ADGRF5: variants seen among roughly 807,000 people sequenced by gnomAD.
ADGRF5 encodes the protein G-protein coupled receptor 116.
A neutral mutation model predicts 132.3 loss-of-function variants in ADGRF5; 75 were observed. The ratio of observed to expected loss-of-function variants is 0.57; its 90% CI spans 0.47 to 0.69. ADGRF5 has a LOEUF of 0.69. Among genes scored for constraint, ADGRF5 ranks in the 30% least tolerant of loss-of-function variants. The probability of loss-of-function intolerance (pLI) is 0.00; values close to 1 mark genes in which losing one functional copy is unlikely to be tolerated. For missense variants in ADGRF5, 1,516 were observed against 1,630.6 expected (o/e 0.93, Z 1.21); for synonymous variants, 629 against 597.6 (o/e 1.05, Z -0.77).
chr6:46,904,978 A>G (rs1775167185), intron 2 of ADGRF5, among the ~76,000 whole-genome samples: 1 of 152,216 alleles, frequency 6.6e-6, no homozygotes, highest in African/African-American at 2.4e-5. Flanking sequence ...CATTCCACCA[A>G]GATCTCTAGG....
At chr6:46,880,761 A>T (rs1235971091) in intron 8 of ADGRF5, among the ~76,000 whole-genome samples, 1 of 152,082 alleles carries the variant, frequency 6.6e-6, no homozygotes, top group Non-Finnish European at 1.5e-5. Flanking sequence ...GGCAGTAAAA[A>T]TCCATGGGAT....
intron 2 of ADGRF5, among the ~76,000 whole-genome samples, chr6:46,902,555 C>T (rs1469237026): frequency 3.3e-5 from 5 of 152,294 alleles, no homozygotes; most frequent in Admixed American, 6.5e-5. Flanking sequence ...TTCAGTAGGT[C>T]TGGGGTGAGG....
At chr6:46,897,637 C>T (rs556772687) in intron 3 of ADGRF5, among the ~76,000 whole-genome samples, 54 of 152,184 alleles carry the variant, frequency 3.5e-4, no homozygotes, top group Non-Finnish European at 6.3e-4. Context: ...TGCAGTGGTG[C>T]GATCTCAGCT....
intron 1 of ADGRF5, among the ~76,000 whole-genome samples, chr6:46,916,993 C>T (rs1776474247): frequency 6.6e-6 from 1 of 152,346 alleles, no homozygotes; most frequent in South Asian, 2.1e-4. Flanking sequence ...CTGAGCTTTA[C>T]TCATTATTTC....
intron 11 of ADGRF5, among the ~76,000 whole-genome samples, chr6:46,871,429 A>C (rs1771045700): frequency 6.6e-6 from 1 of 152,126 alleles, no homozygotes; most frequent in African/African-American, 2.4e-5. Flanking sequence ...GAGGAGTAGT[A>C]GGGGAGTGAG....
rs751939190 is a variant in ADGRF5, at chr6:46,869,194, GA to G, written c.1412-103del. On this transcript the variant is annotated intron_variant, in intron 11 of 20. Coordinates refer to ENST00000283296, the MANE Select transcript of ADGRF5 (RefSeq NM_001098518.2). ...ATGACTGAAACTTCAGAGAGGGACAGAAAAAAAAAATGAACCATCCTGACTC... is the reference window on the plus strand; with the variant it reads ...ATGACTGAAACTTCAGAGAGGGACAGAAAAAAAAATGAACCATCCTGACTC... The G allele has an allele frequency of 4.6e-4, 616 of 1,333,854 alleles. 1 individual carries two copies. In the East Asian group the frequency reaches 4.9e-3, roughly 11 times the overall value. The allele number at this position is 1,333,854 out of a possible 1,614,324, so 82.6% of individuals were successfully genotyped here.
intron 9 of ADGRF5, among the ~76,000 whole-genome samples, chr6:46,878,738 A>C (rs1257790934): frequency 6.6e-6 from 1 of 152,260 alleles, no homozygotes; most frequent in African/African-American, 2.4e-5. Context: ...ATATTGCCGT[A>C]GTATTTAACC....
At chr6:46,903,139 C>T (rs927164218) in intron 2 of ADGRF5, among the ~76,000 whole-genome samples, 6 of 152,154 alleles carry the variant, frequency 3.9e-5, no homozygotes, top group African/African-American at 7.2e-5. Flanking sequence ...CTCATGTTAT[C>T]GCAGTTTGGG....
At chr6:46,919,442 T>A (rs79843096) in intron 1 of ADGRF5, among the ~76,000 whole-genome samples, 1,624 of 152,306 alleles carry the variant, frequency 0.011, 14 homozygotes, top group Middle Eastern at 0.034. Context: ...AAGTTGCATA[T>A]AAATACAAGA....
At chr6:46,946,505 G>A (rs1027520324) in intron 1 of ADGRF5, among the ~76,000 whole-genome samples, 28 of 152,262 alleles carry the variant, frequency 1.8e-4, no homozygotes, top group Middle Eastern at 6.8e-3. Context: ...AAGTGCAGCT[G>A]AGGAAAAATA....
At chr6:46,901,757 C>G (rs907550460) in intron 2 of ADGRF5, among the ~76,000 whole-genome samples, 5 of 151,930 alleles carry the variant, frequency 3.3e-5, no homozygotes, top group African/African-American at 7.3e-5. Flanking sequence ...GAGCGGGTCT[C>G]TCTTTACCCA....
chr6:46,929,520 A>AAAAG (rs60405318), intron 1 of ADGRF5, among the ~76,000 whole-genome samples: 2 of 123,114 alleles, frequency 1.6e-5, no homozygotes, highest in Non-Finnish European at 3.3e-5. Flanking sequence ...AAAAATAAAA[A>AAAAG]AAAGAAAGTA....
intron 1 of ADGRF5, among the ~76,000 whole-genome samples, chr6:46,942,032 C>T (rs1778109569): frequency 6.6e-6 from 1 of 152,094 alleles, no homozygotes; most frequent in South Asian, 2.1e-4. Flanking sequence ...CTTACTTTAC[C>T]TTTCTGAACA....
At position 46,860,803 on chromosome 6, in the gene ADGRF5, C is replaced by A; in HGVS notation, c.2291G>T (p.Ser764Ile). Residue 764 changes from serine (S) to isoleucine (I), a missense_variant, in exon 16 of 21, where the codon AGC (serine) becomes ATC (isoleucine). Physicochemically the swap from Ser to Ile is moderately radical, Grantham distance 142 (BLOSUM62 -2). Around this residue, in one of 2 missense-constraint regions of ADGRF5, gnomAD observed 945 missense variants for 929.4 expected, o/e 1.02. Transcript: ENST00000283296. The part of the protein sequence containing the change: ...ISIDKAEHEI[S>I]SSPGSLGAII... Reference sequence around the variant, plus strand: ...GGCTCCCAGACTCCCAGGAGAAGAGCTGATTTCATGTTCCGCTTTGTCTAT... The same window carrying A: ...GGCTCCCAGACTCCCAGGAGAAGAGATGATTTCATGTTCCGCTTTGTCTAT... 6.2e-7 allele frequency: 1 copy of A among 1,613,566 alleles called. No individual in the cohort carries two copies. The highest frequency in any genetic ancestry group is 8.5e-7 in the Non-Finnish European group (1 of 1,179,454).
At chr6:46,890,724 G>GA (rs1773569010) in intron 3 of ADGRF5, among the ~76,000 whole-genome samples, 2 of 151,618 alleles carry the variant, frequency 1.3e-5, no homozygotes, top group Non-Finnish European at 2.9e-5. Context: ...TCAAAAAAAA[G>GA]AAAAAAATAA....
chr6:46,912,746 A>G (rs1776067786), intron 1 of ADGRF5, among the ~76,000 whole-genome samples: 1 of 152,168 alleles, frequency 6.6e-6, no homozygotes, highest in African/African-American at 2.4e-5. Context: ...TAAAAAGCAG[A>G]TAAGCTATAA....
chr6:46,940,164 G>A (rs936401649), intron 1 of ADGRF5, among the ~76,000 whole-genome samples: 1 of 152,196 alleles, frequency 6.6e-6, no homozygotes, highest in Non-Finnish European at 1.5e-5. Flanking sequence ...GACTTACTTT[G>A]AGACTGAGTG....
rs1260131887 is a variant in ADGRF5 at position 46,882,090 on chromosome 6, T to C, written c.630A>G (p.Gly210=). 1 of 1,611,262 alleles carries C rather than the reference T, an allele frequency of 6.2e-7. No individual in the cohort carries two copies. The highest frequency in any genetic ancestry group is 1.7e-5 in the Admixed American group (1 of 60,004). ...DLETAFRKGY[G]ILPGFKGVTV... is the part of the protein sequence containing the mutation. ...TCACGCCCTTGAAGCCTGGTAAAAT[T>C]CCGTAACCCTTCCGGAACTGAAAAA... is the stretch of plus-strand genomic sequence containing the variant. The change falls in exon 7 of 21, where the codon GGA becomes GGG. Residue 210 remains glycine, a synonymous_variant. Transcript: ENST00000283296.
chr6:46,856,903 T>C lies in ADGRF5; in HGVS notation c.3780A>G (p.Leu1260=), dbSNP rs1562133686. ...IFAILNVFQG[L]FILLFGCLWD... ...AGAGGCATCCAAAGAGTAAAATGAATAATCCCTGAGAAAAAAAAGATTGAA... is the reference window on the plus strand; with the variant it reads ...AGAGGCATCCAAAGAGTAAAATGAACAATCCCTGAGAAAAAAAAGATTGAA... Residue 1260 remains leucine, a synonymous_variant, in exon 18 of 21, where the codon TTA becomes TTG. Transcript: ENST00000283296. 16 of 1,605,538 alleles carry C rather than the reference T, an allele frequency of 1.0e-5. No individual in the cohort carries two copies. Among genetic ancestry groups the C allele is most frequent in the Non-Finnish European group, 1.4e-5 (16 of 1,174,064 alleles).
Sources: gnomAD v4.1 joint callset for allele counts (sites outside exome capture counted in the v4.1 genomes callset) on GRCh38, gnomAD v4.1.1 for gene constraint, gnomAD v4.1.1 regional missense constraint, MANE v1.5 for transcripts, NCBI Gene and HGNC (gene_info 2026-07-23, HGNC 2026-07-21) for gene names.